PPARGC1A: variants seen among roughly 807,000 people sequenced by gnomAD.
PPARGC1A encodes the protein peroxisome proliferator-activated receptor gamma coactivator 1-alpha.
In PPARGC1A, 25 loss-of-function variants were observed where a neutral mutation model predicts 88.7. The ratio of observed to expected loss-of-function variants is 0.28; its 90% confidence interval spans 0.21 to 0.39. PPARGC1A has a LOEUF of 0.39. Ranked by LOEUF, PPARGC1A falls within the 10% of genes least tolerant of loss-of-function variation. The pLI is 1.00. For synonymous variants in PPARGC1A, 363 were observed against 355.6 expected, an observed-to-expected ratio of 1.02 and a Z score of -0.24; for missense variants, 880 against 968.7, an observed-to-expected ratio of 0.91 and a Z score of 1.22.
chr4:24,207,733 T>C, the PPARGC1A span, among the ~76,000 whole-genome samples: 5 of 152,246 alleles, frequency 3.3e-5, no homozygotes, highest in East Asian at 1.9e-4. Context: ...TCAAAACTTA[T>C]TGTTTTTTTC....
the PPARGC1A span, among the ~76,000 whole-genome samples, chr4:23,994,082 C>T: frequency 6.6e-6 from 1 of 152,170 alleles, no homozygotes; most frequent in East Asian, 1.9e-4. Context: ...CTCAGATATG[C>T]AGGCTATGAG....
intron 7 of PPARGC1A, 54 bp downstream of exon 7, chr4:23,824,226 C>T (rs1156782388): frequency 6.9e-7 from 1 of 1,443,174 alleles, no homozygotes; most frequent in Non-Finnish European, 9.7e-7. Context: ...TTATTACACA[C>T]ACACACATAT....
the PPARGC1A span, among the ~76,000 whole-genome samples, chr4:24,283,314 A>T: frequency 6.6e-6 from 1 of 152,172 alleles, no homozygotes; most frequent in African/African-American, 2.4e-5. Context: ...CTGCACCACC[A>T]ACTAGCCATG....
chr4:24,213,725 T>TTGTGTG, the PPARGC1A span, among the ~76,000 whole-genome samples: 1 of 151,668 alleles, frequency 6.6e-6, no homozygotes, highest in South Asian at 2.1e-4. Flanking sequence ...GTGCATGTGT[T>TTGTGTG]TGTGTGTGTG....
chr4:24,200,655 C>CAAAA, the PPARGC1A span, among the ~76,000 whole-genome samples: 10 of 88,358 alleles, frequency 1.1e-4, no homozygotes, highest in East Asian at 8.8e-4. Flanking sequence ...ATTTATTAAG[C>CAAAA]AAAAAAAAAA....
At chr4:24,166,090 A>G in the PPARGC1A span, among the ~76,000 whole-genome samples, 1 of 152,226 alleles carries the variant, frequency 6.6e-6, no homozygotes, top group East Asian at 1.9e-4. Context: ...CAATGACAAG[A>G]AAGCAAAACA....
chr4:24,176,208 C>T, the PPARGC1A span, among the ~76,000 whole-genome samples: 1 of 152,218 alleles, frequency 6.6e-6, no homozygotes, highest in African/African-American at 2.4e-5. Flanking sequence ...CCGGCCCTAA[C>T]ATTCTGTAAC....
At chr4:24,123,362 C>T in the PPARGC1A span, among the ~76,000 whole-genome samples, 7 of 152,184 alleles carry the variant, frequency 4.6e-5, no homozygotes, top group Admixed American at 4.6e-4. Context: ...CTGCACCTCA[C>T]AGCTAATGCT....
chr4:24,280,369 G>A, the PPARGC1A span, among the ~76,000 whole-genome samples: 1 of 152,126 alleles, frequency 6.6e-6, no homozygotes, highest in East Asian at 1.9e-4. Context: ...GAAAGGGCAG[G>A]AGATCACAGT....
chr4:24,111,820 C>A, the PPARGC1A span, among the ~76,000 whole-genome samples: 10 of 152,268 alleles, frequency 6.6e-5, no homozygotes, highest in African/African-American at 2.4e-4. Context: ...TGGAGACAGT[C>A]AACACACATG....
chr4:24,053,875 A>G, the PPARGC1A span, among the ~76,000 whole-genome samples: 1 of 152,210 alleles, frequency 6.6e-6, no homozygotes, highest in Non-Finnish European at 1.5e-5. Context: ...TGAGTCAAAA[A>G]TAAATCTAAG....
chr4:24,167,773 A>T, the PPARGC1A span, among the ~76,000 whole-genome samples: 1 of 152,138 alleles, frequency 6.6e-6, no homozygotes, highest in Non-Finnish European at 1.5e-5. Flanking sequence ...GTTTTTGTTG[A>T]GACAGAGTCT....
At chr4:24,376,520 A>G in the PPARGC1A span, among the ~76,000 whole-genome samples, 2 of 152,188 alleles carry the variant, frequency 1.3e-5, no homozygotes, top group African/African-American at 4.8e-5. Flanking sequence ...TTCCAGTCCT[A>G]AAGTTTTAAG....
chr4:23,906,819 G>C (rs1042956218), upstream of PPARGC1A, among the ~76,000 whole-genome samples: 1 of 152,026 alleles, frequency 6.6e-6, no homozygotes, highest in Non-Finnish European at 1.5e-5. Context: ...CATGGATTAA[G>C]GTCACTCAAA....
At chr4:24,257,991 T>C in the PPARGC1A span, among the ~76,000 whole-genome samples, 1 of 152,156 alleles carries the variant, frequency 6.6e-6, no homozygotes, top group African/African-American at 2.4e-5. Context: ...TTTATATTTA[T>C]GGAGGGTGGC....
chr4:23,828,599 C>G lies in PPARGC1A; in HGVS notation c.558G>C (p.Glu186Asp). The G allele has an allele frequency of 6.2e-7, 1 of 1,613,908 alleles. No homozygotes were observed. Among genetic ancestry groups the G allele is most frequent in the Non-Finnish European group, 8.5e-7 (1 of 1,179,902 alleles). The change falls in exon 5 of 13, where the codon GAG (glutamate) becomes GAC (aspartate). Residue 186 changes from glutamate to aspartate, a missense_variant. By Grantham distance (45) the Glu-to-Asp change is conservative. Coordinates refer to ENST00000264867, the MANE Select transcript of PPARGC1A (RefSeq NM_013261.5). ...TCTTCGCTTTATTGCTCCATGAATT[C>G]TCAGTCTTAAAAACAAGGCATAAAG... ...IRTNPAIVKT[E>D]NSWSNKAKSI...
chr4:23,910,817 CT>C, the PPARGC1A span, among the ~76,000 whole-genome samples: 101,454 of 151,592 alleles, frequency 0.67, 35,443 homozygotes, highest in African/African-American at 0.87. Context: ...ATTGTTATCT[CT>C]TTTTTTCAGA....
the PPARGC1A span, among the ~76,000 whole-genome samples, chr4:24,226,333 T>A: frequency 6.6e-6 from 1 of 152,164 alleles, no homozygotes; most frequent in Non-Finnish European, 1.5e-5. Flanking sequence ...CTTTAATAGA[T>A]GTTCGCCGTG....
chr4:23,914,025 G>A, the PPARGC1A span, among the ~76,000 whole-genome samples: 2 of 152,244 alleles, frequency 1.3e-5, no homozygotes, highest in African/African-American at 4.8e-5. Context: ...GTAAAGCTAA[G>A]CAGGAGCTGC....
Sources: allele counts gnomAD v4.1 joint callset (sites outside exome capture counted in the v4.1 genomes callset), GRCh38; gene constraint gnomAD v4.1.1; transcripts MANE v1.5; gene names NCBI Gene and HGNC (gene_info 2026-07-23, HGNC 2026-07-21).